Variants in YBX2 observed in about 807,000 individuals in gnomAD.
The protein encoded by YBX2 is Y-box binding protein 2, also known as Y-box-binding protein 2.
YBX2 carries 5 observed loss-of-function variants against 44.4 expected under a neutral mutation model. The observed-to-expected ratio is 0.11, with a 90% CI of 0.06 to 0.24. The LOEUF is 0.24. Ranked by LOEUF, YBX2 falls within the 10% of genes least tolerant of loss-of-function variation. The pLI, the probability that YBX2 is intolerant of heterozygous loss-of-function variation, is 1.00. For synonymous variants in YBX2, 188 were observed against 216.1 expected, an observed-to-expected ratio of 0.87 and a Z score of 1.14; for missense variants, 417 against 526.9, an observed-to-expected ratio of 0.79 and a Z score of 2.04.
At chr17:7,290,586 C>G (rs779189234) in intron 4 of YBX2, 51 bp from the exon 5 acceptor site, 5 of 1,587,790 alleles carry the variant, frequency 3.1e-6, no homozygotes, top group Non-Finnish European at 4.3e-6. Flanking sequence ...AGCCAATGTG[C>G]ATTTCCCAAC....
rs1157077535 is a variant in YBX2, at chr17:7,292,063, C to CA, written c.336-5dup. The CA allele has an allele frequency of 6.2e-7, 1 of 1,614,086 alleles. No individual in the cohort carries two copies. The highest frequency in any genetic ancestry group is 1.7e-5 in the Admixed American group (1 of 60,008). ...GACATCTTCCTTGGTGTCATTCCTGCAGAACAGGATGGGTCGTTAAGGAAG... is the reference window on the plus strand; with the variant it reads ...GACATCTTCCTTGGTGTCATTCCTGCAAGAACAGGATGGGTCGTTAAGGAAG... On this transcript the variant is annotated splice_polypyrimidine_tract_variant and splice_region_variant and intron_variant, in intron 2 of 8. Coordinates refer to ENST00000007699, the MANE Select transcript of YBX2 (RefSeq NM_015982.4).
rs1217175937 is a variant in YBX2 at position 7,294,610 on chromosome 17, G to A, written c.-110C>T. 4 of 1,178,460 alleles carry A rather than the reference G, an allele frequency of 3.4e-6. No individual in the cohort carries two copies. In the African/African-American group the frequency reaches 5.2e-5, roughly 15 times the overall value. 73.0% of individuals were successfully genotyped at this position (1,178,460 alleles called of 1,614,324 possible). ...GCGCCCCGAGCCTCGCCCACACGCC[G>A]GCAGCGGGCCCGGAGCCGAGGCCAA... On this transcript the variant is annotated 5_prime_UTR_variant, in exon 1 of 9. Coordinates refer to ENST00000007699, the MANE Select transcript of YBX2 (RefSeq NM_015982.4). The surrounding 1 kb of genome is among the most constrained non-coding windows in gnomAD (Gnocchi z 4.6).
In YBX2 at chr17:7,294,603, A is replaced by G. The variant is rs1597605560; in HGVS notation, c.-103T>C. On this transcript the variant is annotated 5_prime_UTR_variant, in exon 1 of 9. Coordinates refer to ENST00000007699, the MANE Select transcript of YBX2 (RefSeq NM_015982.4). The surrounding 1 kb of genome is among the most constrained non-coding windows in gnomAD (Gnocchi z 4.6). ...GGTCCTCGCGCCCCGAGCCTCGCCC[A>G]CACGCCGGCAGCGGGCCCGGAGCCG... The G allele has an allele frequency of 8.5e-7, 1 of 1,170,058 alleles. No homozygotes were observed. Among genetic ancestry groups the G allele is most frequent in the African/African-American group, 1.9e-5 (1 of 52,576 alleles). 72.5% of individuals were successfully genotyped at this position (1,170,058 alleles called of 1,614,324 possible).
chr17:7,292,098 C>T (rs201496108), intron 2 of YBX2, 39 bp from the exon 3 acceptor site: 87 of 1,613,304 alleles, frequency 5.4e-5, no homozygotes, highest in Non-Finnish European at 6.5e-5. Flanking sequence ...GGGACTTCAA[C>T]AAAGCCCTCA....
In YBX2 at chr17:7,294,011, A is replaced by T; in HGVS notation, c.271+219T>A. On this transcript the variant is annotated intron_variant, in intron 1 of 8. Transcript: ENST00000007699. This position sits in a 1 kb window ranked among gnomAD's most constrained non-coding sequence, Gnocchi z 4.6. ...CTGGGGCTTTATTCTCCACCCCAAG[A>T]CCTTAGCTGAACCTGCCGGCCCCGC... 1.9e-6 allele frequency: 1 copy of T among 513,198 alleles called. No individual in the cohort carries two copies. The highest frequency in any genetic ancestry group is 3.1e-6 in the Non-Finnish European group (1 of 326,454). 31.8% of individuals were successfully genotyped at this position (513,198 alleles called of 1,614,324 possible). A position where few individuals can be genotyped will look rare whatever the true frequency, so the allele number is the denominator to read the frequency against.
intron 6 of YBX2, 60 bp downstream of exon 6, chr17:7,289,908 C>A: frequency 1.2e-6 from 2 of 1,606,328 alleles, no homozygotes; most frequent in East Asian, 2.2e-5. Context: ...TCCTCCTGTC[C>A]CTTGCCCCAA....
At position 7,290,389 on chromosome 17, in the gene YBX2, C is replaced by T. The variant is rs771525546; in HGVS notation, c.606G>A (p.Ala202=). 10 of 1,613,918 alleles carry T rather than the reference C, an allele frequency of 6.2e-6. No individual in the cohort carries two copies. Among genetic ancestry groups the T allele is most frequent in the Admixed American group, 5.0e-5 (3 of 59,998 alleles). Residue 202 remains alanine (A), a synonymous_variant, in exon 5 of 9, where the codon GCG becomes GCA. Transcript: ENST00000007699. The stretch of plus-strand genomic sequence containing the variant: ...CCCCTTTACTGCCAGGTCCTGTCCC[C>T]GCCGAGGGGATCTCTGCCACCATGG... The part of the protein sequence containing the change: ...PPPMVAEIPS[A]GTGPGSKGER...
rs2072494296 is a variant in YBX2 at position 7,290,503 on chromosome 17, C to T, written c.492G>A (p.Gly164=). 1.2e-6 allele frequency: 2 copies of T among 1,612,490 alleles called. No individual in the cohort carries two copies. The highest frequency in any genetic ancestry group is 2.7e-5 in the African/African-American group (2 of 75,016). ...AACGGCTGCCCTTCACGGGTACTCC[C>T]CCAGGCCCAGTTACATTAGTGGCTT... The part of the protein sequence containing the change: ...GAEATNVTGP[G]GVPVKGSRYA... Residue 164 remains glycine (G), a synonymous_variant, in exon 5 of 9, where the codon GGG becomes GGA. Coordinates refer to ENST00000007699, the MANE Select transcript of YBX2 (RefSeq NM_015982.4).
Position 7,290,040 on chromosome 17 carries a change from G to C in YBX2, c.776C>G (p.Ala259Gly). 1 of 1,614,260 alleles carries C rather than the reference G, an allele frequency of 6.2e-7. No individual in the cohort carries two copies. The highest frequency in any genetic ancestry group is 8.5e-7 in the Non-Finnish European group (1 of 1,180,032). Residue 259 changes from alanine to glycine, a missense_variant, in exon 6 of 9, where the codon GCC becomes GGC. This residue lies in a region of YBX2 where 257 missense variants were observed against 261.7 expected (regional missense o/e 0.98). Coordinates refer to ENST00000007699, the MANE Select transcript of YBX2 (RefSeq NM_015982.4). ...GTDRVEPKET[A>G]PLEGHQQQGD... ...CTGCTGTTGGTGCCCCTCCAATGGG[G>C]CTGTCTCTTTGGGTTCTACCCTGTC... is the stretch of plus-strand genomic sequence containing the variant.
intron 4 of YBX2, among the ~76,000 whole-genome samples, chr17:7,290,781 G>T (rs1230212610): frequency 6.6e-6 from 1 of 152,192 alleles, no homozygotes; most frequent in Non-Finnish European, 1.5e-5. Context: ...GAAAGGCCTG[G>T]CAGCCAGCAT....
At chr17:7,290,133 T>G in intron 5 of YBX2, 62 bp from the exon 6 acceptor site, 1 of 1,610,934 alleles carries the variant, frequency 6.2e-7, no homozygotes, top group African/African-American at 1.3e-5. Flanking sequence ...AGCCAGATTA[T>G]CCACAGCTCT....
chr17:7,292,094 T>TC, intron 2 of YBX2, 35 bp from the exon 3 acceptor site: 2 of 1,613,750 alleles, frequency 1.2e-6, no homozygotes, highest in Non-Finnish European at 1.7e-6. Flanking sequence ...GGAAGGGACT[T>TC]CAACAAAGCC....
Position 7,288,752 on chromosome 17 carries a change from A to G in YBX2, c.*36T>C. 1 of 1,613,484 alleles carries G rather than the reference A, an allele frequency of 6.2e-7. No homozygotes were observed. Among genetic ancestry groups the G allele is most frequent in the Non-Finnish European group, 8.5e-7 (1 of 1,179,546 alleles). ...CCCAACTGCACCAGCCACTCACCAG[A>G]TGGCAGCTCTGGGTGTCCTCTGAGT... On this transcript the variant is annotated 3_prime_UTR_variant, in exon 8 of 9. Coordinates refer to ENST00000007699, the MANE Select transcript of YBX2 (RefSeq NM_015982.4).
rs1485220613 is a variant in YBX2 at position 7,290,397 on chromosome 17, G to T, written c.598C>A (p.Pro200Thr). 3 of 1,613,916 alleles carry T rather than the reference G, an allele frequency of 1.9e-6. No homozygotes were observed. The highest frequency in any genetic ancestry group is 2.5e-6 in the Non-Finnish European group (3 of 1,179,956). ...CTGCCAGGTCCTGTCCCCGCCGAGG[G>T]GATCTCTGCCACCATGGGTGGTGGG... The part of the protein sequence containing the change: ...VAPPPMVAEI[P>T]SAGTGPGSKG... The change falls in exon 5 of 9, where the codon CCC becomes ACC. Residue 200 changes from proline to threonine, a missense_variant. Physicochemically the swap from Pro to Thr is conservative, Grantham distance 38. Around this residue, in one of 3 missense-constraint regions of YBX2, gnomAD observed 257 missense variants for 261.7 expected, o/e 0.98. Coordinates refer to ENST00000007699, the MANE Select transcript of YBX2 (RefSeq NM_015982.4).
chr17:7,293,355 A>G (rs955412912), intron 2 of YBX2, 120 bp downstream of exon 2: 1 of 1,546,202 alleles, frequency 6.5e-7, no homozygotes, highest in Non-Finnish European at 8.8e-7. Flanking sequence ...TTCAACCAGC[A>G]TCAGCTGGAC....
chr17:7,294,079 A>C lies in YBX2; in HGVS notation c.271+151T>G. ...TACGGCAGGATTTCCCACCAGGGGA[A>C]TCCACTTTGGTGCGCAGCTCCCAGC... On this transcript the variant is annotated intron_variant, in intron 1 of 8. Transcript: ENST00000007699. This position sits in a 1 kb window ranked among gnomAD's most constrained non-coding sequence, Gnocchi z 4.6. The C allele has an allele frequency of 1.1e-6, 1 of 887,566 alleles. No homozygotes were observed. Among genetic ancestry groups the C allele is most frequent in the Non-Finnish European group, 1.5e-6 (1 of 671,550 alleles). The allele number at this position is 887,566 out of a possible 1,614,324, so 55.0% of individuals were successfully genotyped here. A position where few individuals can be genotyped will look rare whatever the true frequency, so the allele number is the denominator to read the frequency against.
rs1285511285 is a variant in YBX2 at position 7,294,402 on chromosome 17, G to A, written c.99C>T (p.Pro33=). 2 of 1,449,492 alleles carry A rather than the reference G, an allele frequency of 1.4e-6. No individual in the cohort carries two copies. The highest frequency in any genetic ancestry group is 1.8e-6 in the Non-Finnish European group (2 of 1,103,410). 89.8% of individuals were successfully genotyped at this position (1,449,492 alleles called of 1,614,324 possible). The change falls in exon 1 of 9, where the codon CCC becomes CCT. Residue 33 remains proline, a synonymous_variant. Coordinates refer to ENST00000007699, the MANE Select transcript of YBX2 (RefSeq NM_015982.4). This position sits in a 1 kb window ranked among gnomAD's most constrained non-coding sequence, Gnocchi z 4.6. ...AGVVAVVVPV[P]AGEPQKGGGA... Reference sequence around the variant, plus strand: ...CGCCGCCTTTCTGCGGCTCCCCTGCGGGCACCGGTACCACCACCGCTACCA... The same window carrying A: ...CGCCGCCTTTCTGCGGCTCCCCTGCAGGCACCGGTACCACCACCGCTACCA...
Position 7,290,345 on chromosome 17 carries a change from C to T in YBX2, c.650G>A (p.Gly217Glu). 1.2e-6 allele frequency: 2 copies of T among 1,613,950 alleles called. No homozygotes were observed. Among genetic ancestry groups the T allele is most frequent in the Non-Finnish European group, 1.7e-6 (2 of 1,180,000 alleles). Residue 217 changes from glycine to glutamate, a missense_variant, in exon 5 of 9, where the codon GGG (glycine) becomes GAG (glutamate). Transcript: ENST00000007699. ...GSKGERAEDS[G>E]QRPRRWCPPP... is the part of the protein sequence containing the mutation. Reference sequence around the variant, plus strand: ...GGGGCACCATCGTCGGGGCCGTTGCCCAGAGTCTTCAGCCCGCTCCCCTTT... The same window carrying T: ...GGGGCACCATCGTCGGGGCCGTTGCTCAGAGTCTTCAGCCCGCTCCCCTTT...
At position 7,289,574 on chromosome 17, in the gene YBX2, C is replaced by T. The variant is rs2072483644; in HGVS notation, c.1000G>A (p.Gly334Ser). 1.9e-6 allele frequency: 3 copies of T among 1,611,198 alleles called. No homozygotes were observed. Among genetic ancestry groups the T allele is most frequent in the Non-Finnish European group, 2.5e-6 (3 of 1,179,048 alleles). The change falls in exon 7 of 9, where the codon GGC becomes AGC. Residue 334 changes from glycine to serine, a missense_variant. By Grantham distance (56) the Gly-to-Ser change is moderately conservative (BLOSUM62 0). Coordinates refer to ENST00000007699, the MANE Select transcript of YBX2 (RefSeq NM_015982.4). Reference protein sequence around the residue: ...YFQRRRQQAPGPQQAPGPRQP... With the variant: ...YFQRRRQQAPSPQQAPGPRQP... ...CGGGGGCCAGGGGCCTGCTGGGGGCCAGGGGCCTGCTGCCGTCTCCGCTGG... is the reference window on the plus strand; with the variant it reads ...CGGGGGCCAGGGGCCTGCTGGGGGCTAGGGGCCTGCTGCCGTCTCCGCTGG...
Sources: gnomAD v4.1 joint callset for allele counts (sites outside exome capture counted in the v4.1 genomes callset) on GRCh38, gnomAD v4.1.1 for gene constraint, gnomAD v4.1.1 regional missense constraint, Gnocchi (gnomAD v3.1) non-coding constraint, MANE v1.5 for transcripts, NCBI Gene and HGNC (gene_info 2026-07-23, HGNC 2026-07-21) for gene names.